TMEM178B: variants seen among roughly 807,000 people sequenced by gnomAD.
TMEM178B encodes the protein transmembrane protein 178B.
Under a neutral mutation model 31.0 loss-of-function variants are expected in TMEM178B, and 5 were observed. That is an observed-to-expected ratio of 0.16 (90% CI 0.08 to 0.34). TMEM178B has a LOEUF of 0.34. TMEM178B is among the 10% of genes least tolerant of loss of function. TMEM178B has a pLI of 1.00. For missense variants in TMEM178B, 275 were observed against 400.3 expected (o/e 0.69, Z 2.67); for synonymous variants, 164 against 164.0 (o/e 1.00, Z 0.00).
intron 1 of TMEM178B, among the ~76,000 whole-genome samples, chr7:141,195,695 A>G (rs1340585153): frequency 1.3e-5 from 2 of 152,032 alleles, no homozygotes; most frequent in Non-Finnish European, 2.9e-5. Context: ...ACCCCACTCT[A>G]CTGGTACCAA....
At chr7:141,401,485 A>C (rs1800766875) in intron 2 of TMEM178B, among the ~76,000 whole-genome samples, 1 of 152,196 alleles carries the variant, frequency 6.6e-6, no homozygotes, top group Non-Finnish European at 1.5e-5. Context: ...GTGCGATCAT[A>C]GCTCACTGCA....
chr7:141,358,327 G>T (rs2116542185), intron 2 of TMEM178B, among the ~76,000 whole-genome samples: 1 of 152,124 alleles, frequency 6.6e-6, no homozygotes, highest in East Asian at 1.9e-4. Flanking sequence ...CCATTGCACT[G>T]GTTTACAAGT....
At chr7:141,229,999 T>C (rs1797415280) in intron 2 of TMEM178B, among the ~76,000 whole-genome samples, 1 of 152,250 alleles carries the variant, frequency 6.6e-6, no homozygotes, top group Non-Finnish European at 1.5e-5. Context: ...ATTTTGTTCA[T>C]AATTCTATGA....
intron 2 of TMEM178B, among the ~76,000 whole-genome samples, chr7:141,330,624 C>G (rs1799282766): frequency 6.6e-6 from 1 of 152,116 alleles, no homozygotes; most frequent in Admixed American, 6.6e-5. Flanking sequence ...TGTGGATGGT[C>G]TTGACACAGA....
At chr7:141,234,901 G>A (rs925502638) in intron 2 of TMEM178B, among the ~76,000 whole-genome samples, 6 of 152,192 alleles carry the variant, frequency 3.9e-5, no homozygotes, top group Non-Finnish European at 5.9e-5. Context: ...TGGAACGCAC[G>A]ACATGATTGC....
chr7:141,408,395 G>C (rs1303524584), intron 2 of TMEM178B, among the ~76,000 whole-genome samples: 1 of 152,200 alleles, frequency 6.6e-6, no homozygotes, highest in Admixed American at 6.5e-5. Flanking sequence ...TCAATCCAGA[G>C]AGTTTGTGAA....
At chr7:141,379,173 G>A (rs1395358555) in intron 2 of TMEM178B, among the ~76,000 whole-genome samples, 2 of 152,078 alleles carry the variant, frequency 1.3e-5, no homozygotes, top group African/African-American at 4.8e-5. Context: ...CTTCTAAAAT[G>A]GCCAGACTGT....
At chr7:141,241,012 A>T (rs1457430229) in intron 2 of TMEM178B, among the ~76,000 whole-genome samples, 36 of 147,424 alleles carry the variant, frequency 2.4e-4, no homozygotes, top group Non-Finnish European at 3.1e-4. Flanking sequence ...TTTTTTTTTT[A>T]AATTTATTTC....
chr7:141,350,480 A>G (rs1000257932), intron 2 of TMEM178B, among the ~76,000 whole-genome samples: 3 of 152,196 alleles, frequency 2.0e-5, no homozygotes, highest in African/African-American at 2.4e-5. Flanking sequence ...GATAATTAAT[A>G]TTTGTTGAAA....
intron 1 of TMEM178B, among the ~76,000 whole-genome samples, chr7:141,190,308 G>C (rs1012110949): frequency 6.6e-6 from 1 of 151,904 alleles, no homozygotes; most frequent in Non-Finnish European, 1.5e-5. Context: ...GATATCTCGT[G>C]TAACTTTTGT....
At chr7:141,235,166 C>T (rs776924053) in intron 2 of TMEM178B, among the ~76,000 whole-genome samples, 13 of 152,146 alleles carry the variant, frequency 8.5e-5, no homozygotes, top group Admixed American at 3.9e-4. Flanking sequence ...ACTGATTTTC[C>T]GTGAAGCTGG....
At chr7:141,212,728 G>A in intron 2 of TMEM178B, 24 bp downstream of exon 2, 1 of 1,503,550 alleles carries the variant, frequency 6.7e-7, no homozygotes, top group Non-Finnish European at 8.9e-7. Context: ...AGTCTCAGTG[G>A]CTGTGACTGT....
At chr7:141,480,682 A>G (rs1395856773), downstream of TMEM178B, among the ~76,000 whole-genome samples, 1 of 152,250 alleles carries the variant, frequency 6.6e-6, no homozygotes, top group African/African-American at 2.4e-5. Flanking sequence ...AACTCTTTTT[A>G]AAAGACTTTA....
chr7:141,227,605 A>G (rs1300817333), intron 2 of TMEM178B, among the ~76,000 whole-genome samples: 2 of 152,216 alleles, frequency 1.3e-5, no homozygotes, highest in Non-Finnish European at 1.5e-5. Context: ...GTCTTAGGAA[A>G]TGCATCTGTC....
chr7:141,289,706 C>A (rs1462289417), intron 2 of TMEM178B, among the ~76,000 whole-genome samples: 2 of 136,818 alleles, frequency 1.5e-5, no homozygotes, highest in Non-Finnish European at 3.1e-5. Flanking sequence ...CAGAGAGAGA[C>A]CCTGTCTCAA....
intron 1 of TMEM178B, among the ~76,000 whole-genome samples, chr7:141,108,671 C>T (rs538336647): frequency 3.9e-4 from 59 of 152,200 alleles, no homozygotes; most frequent in Admixed American, 5.2e-4. Flanking sequence ...TCCAGTATCC[C>T]GGCAGGCAGG....
rs1232708885 is a variant in TMEM178B at position 141,474,614 on chromosome 7, A to T, written c.*3828A>T. ...TCTTAAGCGCCCTGAGCCCAGGTGC[A>T]TATCTTCCCATCAGGGATGAGTGGT... On this transcript the variant is annotated 3_prime_UTR_variant, in exon 4 of 4. Coordinates refer to ENST00000565468, the MANE Select transcript of TMEM178B (RefSeq NM_001195278.2). 6.6e-6 allele frequency: 1 copy of T among 152,252 alleles called. No homozygotes were observed. Among genetic ancestry groups the T allele is most frequent in the Non-Finnish European group, 1.5e-5 (1 of 68,062 alleles). 9.4% of individuals were successfully genotyped at this position (152,252 alleles called of 1,614,324 possible). A position where few individuals can be genotyped will look rare whatever the true frequency, so the allele number is the denominator to read the frequency against.
intron 2 of TMEM178B, among the ~76,000 whole-genome samples, chr7:141,280,245 T>C (rs1296157522): frequency 1.3e-5 from 2 of 152,120 alleles, no homozygotes; most frequent in Non-Finnish European, 2.9e-5. Context: ...CAACCCTGGC[T>C]CTTGACTACC....
chr7:141,347,334 T>C (rs1799637765), intron 2 of TMEM178B, among the ~76,000 whole-genome samples: 1 of 152,128 alleles, frequency 6.6e-6, no homozygotes, highest in Non-Finnish European at 1.5e-5. Context: ...GGCCATGATA[T>C]TGTATGCAGA....
Sources: allele counts gnomAD v4.1 joint callset (sites outside exome capture counted in the v4.1 genomes callset), GRCh38; gene constraint gnomAD v4.1.1; transcripts MANE v1.5; gene names NCBI Gene and HGNC (gene_info 2026-07-23, HGNC 2026-07-21).